LIFR: variants seen among roughly 807,000 people sequenced by gnomAD.
LIFR encodes the protein leukemia inhibitory factor receptor.
In LIFR, 84 loss-of-function variants were observed where a neutral mutation model predicts 122.2. The ratio of observed to expected loss-of-function variants is 0.69; its 90% CI spans 0.58 to 0.82. The LOEUF (loss-of-function observed/expected upper bound fraction) is 0.82, where lower values mean the gene tolerates loss of function less well. Ranked by LOEUF, LIFR falls within the 40% of genes least tolerant of loss-of-function variation. LIFR has a pLI of 0.00. For missense variants in LIFR, 1,294 were observed against 1,311.6 expected (o/e 0.99, Z 0.21); for synonymous variants, 422 against 434.7 (o/e 0.97, Z 0.36).
In LIFR at chr5:38,510,455, T is replaced by C. The variant is rs1745736282; in HGVS notation, c.991+9A>G. 1 of 1,607,604 alleles carries C rather than the reference T, an allele frequency of 6.2e-7. No individual in the cohort carries two copies. Among genetic ancestry groups the C allele is most frequent in the Non-Finnish European group, 8.5e-7 (1 of 1,176,182 alleles). ...AATAGGAATTCTCTCTTTAAAATCA[T>C]ATACTTACATCCAGCAAAAATAACG... is the stretch of plus-strand genomic sequence containing the variant. On this transcript the variant is annotated intron_variant, in intron 7 of 19. Transcript: ENST00000453190.
intron 1 of LIFR, among the ~76,000 whole-genome samples, chr5:38,568,668 TC>T (rs1487093290): frequency 2.6e-5 from 4 of 152,186 alleles, no homozygotes; most frequent in Non-Finnish European, 5.9e-5. Flanking sequence ...TGGTTGGGCA[TC>T]ATCTATGACT....
chr5:38,477,803 T>C lies in LIFR; in HGVS notation c.*3792A>G, dbSNP rs968670840. ...AAAATTAGTTACTGAGCTTTCACGA[T>C]GTGCCTAGTCTTTGTAGCTAATAAT... On this transcript the variant is annotated 3_prime_UTR_variant, in exon 20 of 20. Transcript: ENST00000453190. 1 of 218,418 alleles carries C rather than the reference T, an allele frequency of 4.6e-6. No homozygotes were observed. Among genetic ancestry groups the C allele is most frequent in the Non-Finnish European group, 9.2e-6 (1 of 108,342 alleles). 13.5% of individuals were successfully genotyped at this position (218,418 alleles called of 1,614,324 possible).
At chr5:38,556,842 C>G (rs930751887), upstream of LIFR, 1 of 151,122 alleles carries the variant, frequency 6.6e-6, no homozygotes, top group African/African-American at 2.4e-5. Flanking sequence ...GCCCCGGACG[C>G]CGAGGGTGGT....
chr5:38,587,175 C>T (rs1026545707), intron 1 of LIFR, among the ~76,000 whole-genome samples: 1 of 152,086 alleles, frequency 6.6e-6, no homozygotes, highest in African/African-American at 2.4e-5. Context: ...CTCCCCACCC[C>T]AGCCCTCTAC....
At chr5:38,483,447 G>T (rs1744107725) in intron 18 of LIFR, among the ~76,000 whole-genome samples, 2 of 151,730 alleles carry the variant, frequency 1.3e-5, no homozygotes, top group African/African-American at 4.8e-5. Flanking sequence ...TTTTGAGACA[G>T]AGTCTTGCAC....
intron 1 of LIFR, among the ~76,000 whole-genome samples, chr5:38,551,092 CATG>C (rs1477002108): frequency 6.6e-6 from 1 of 152,140 alleles, no homozygotes; most frequent in Non-Finnish European, 1.5e-5. Context: ...TAAATGTAGT[CATG>C]ATGAAGTTCC....
At chr5:38,564,024 C>T (rs79765608) in intron 1 of LIFR, among the ~76,000 whole-genome samples, 2,181 of 152,300 alleles carry the variant, frequency 0.014, 44 homozygotes, top group African/African-American at 0.049. Context: ...GCTCTGAATT[C>T]TGTCTCTCTT....
rs116186247 is a variant in LIFR, at chr5:38,593,371, C to G, written c.-20+1890G>C. 2.4e-3 allele frequency among the ~76,000 whole-genome samples: 358 copies of G among 152,268 alleles called. 5 individuals are homozygous for G. The highest frequency in any genetic ancestry group is 8.1e-3 in the African/African-American group (337 of 41,550). On this transcript the variant is annotated intron_variant, in intron 1 of 19. Transcript: ENST00000263409. ...CCTATGCTGTCTAATACAATTGTTG[C>G]TTGCCACATGGAGTTAAGTTTAAAT...
At chr5:38,599,603 G>A (rs1246241200), upstream of LIFR, among the ~76,000 whole-genome samples, 1 of 152,160 alleles carries the variant, frequency 6.6e-6, no homozygotes, top group East Asian at 1.9e-4. Context: ...AGTATGGAAA[G>A]TGCCAAATAA....
intron 1 of LIFR, among the ~76,000 whole-genome samples, chr5:38,563,456 T>C (rs948018297): frequency 2.0e-5 from 3 of 152,164 alleles, no homozygotes; most frequent in Non-Finnish European, 4.4e-5. Context: ...TCTCTGTGTT[T>C]TATATATGTA....
At chr5:38,598,248 TTTTTTTTTTTTC>T (rs1393699881), upstream of LIFR, among the ~76,000 whole-genome samples, 4 of 66,188 alleles carry the variant, frequency 6.0e-5, no homozygotes, top group African/African-American at 3.8e-4. Flanking sequence ...TTTATTTATT[TTTTTTTTTTTTC>T]TTTTTAGAGG....
At chr5:38,550,153 G>T in intron 1 of LIFR, 1 of 511,062 alleles carries the variant, frequency 2.0e-6, no homozygotes, top group Non-Finnish European at 2.5e-6. Context: ...CTCCTGTAAA[G>T]TTATAACAAT....
chr5:38,564,665 A>G (rs1748946624), intron 1 of LIFR, among the ~76,000 whole-genome samples: 1 of 151,472 alleles, frequency 6.6e-6, no homozygotes, highest in Admixed American at 6.6e-5. Context: ...TTTTGTCTCC[A>G]TTGGATTTAG....
intron 1 of LIFR, among the ~76,000 whole-genome samples, chr5:38,542,686 C>T (rs774706224): frequency 6.6e-6 from 1 of 152,098 alleles, no homozygotes; most frequent in Non-Finnish European, 1.5e-5. Context: ...CACAGTGGCC[C>T]CGTGCTTAAG....
upstream of LIFR, chr5:38,557,121 A>T (rs772721835): frequency 6.6e-6 from 1 of 152,096 alleles, no homozygotes; most frequent in Non-Finnish European, 1.5e-5. Flanking sequence ...GATTGTTGGG[A>T]CTTTGCGAAT....
rs1743758598 is a variant in LIFR at position 38,477,065 on chromosome 5, T to C, written c.*4530A>G. ...AATAAAGCCTGAAATAGCCAACTAA[T>C]TGAATGTTATTCTTAATCCTTTACA... On this transcript the variant is annotated 3_prime_UTR_variant, in exon 20 of 20. Transcript: ENST00000453190. 1.3e-5 allele frequency: 3 copies of C among 224,710 alleles called. No homozygotes were observed. The highest frequency in any genetic ancestry group is 1.8e-4 in the South Asian group (1 of 5,474). The allele number at this position is 224,710 out of a possible 1,614,324, so 13.9% of individuals were successfully genotyped here.
At position 38,515,632 on chromosome 5, in the gene LIFR, G is replaced by A. The variant is rs143319457; in HGVS notation, c.562-3668C>T. Among the ~76,000 whole-genome samples the A allele has an allele frequency of 6.7e-3, 1,023 of 151,714 alleles. 13 individuals are homozygous for A. Among genetic ancestry groups the A allele is most frequent in the African/African-American group, 0.024 (984 of 41,352 alleles). On this transcript the variant is annotated intron_variant, in intron 5 of 19. Coordinates refer to ENST00000453190, the MANE Select transcript of LIFR (RefSeq NM_001127671.2). ...AGGGAGGAGCAGAGAGAAATGAGGC[G>A]GTGGGGGGAGAGGAGGAAAGGGAGG...
At chr5:38,556,843 C>T (rs1748602754), upstream of LIFR, 1 of 151,132 alleles carries the variant, frequency 6.6e-6, no homozygotes, top group Non-Finnish European at 1.5e-5. Flanking sequence ...CCCCGGACGC[C>T]GAGGGTGGTG....
In LIFR at chr5:38,476,972, A is replaced by G. The variant is rs1023096464; in HGVS notation, c.*4623T>C. 3 of 221,706 alleles carry G rather than the reference A, an allele frequency of 1.4e-5. No homozygotes were observed. Among genetic ancestry groups the G allele is most frequent in the Admixed American group, 5.8e-5 (1 of 17,372 alleles). The allele number at this position is 221,706 out of a possible 1,614,324, so 13.7% of individuals were successfully genotyped here. ...AATAATAGAATCCTGTCATAACCCAATATCATAATTACAAGGATCTGGATA... is the reference window on the plus strand; with the variant it reads ...AATAATAGAATCCTGTCATAACCCAGTATCATAATTACAAGGATCTGGATA... On this transcript the variant is annotated 3_prime_UTR_variant, in exon 20 of 20. Coordinates refer to ENST00000453190, the MANE Select transcript of LIFR (RefSeq NM_001127671.2).
Sources: gnomAD v4.1 joint callset for allele counts (sites outside exome capture counted in the v4.1 genomes callset) on GRCh38, gnomAD v4.1.1 for gene constraint, MANE v1.5 for transcripts, NCBI Gene and HGNC (gene_info 2026-07-23, HGNC 2026-07-21) for gene names.